Variants in NAA15 observed in about 807,000 individuals in gnomAD.
NAA15 encodes the protein N-terminal acetyltransferase.
NAA15 carries 34 observed loss-of-function variants against 114.0 expected under a neutral mutation model. The observed-to-expected ratio is 0.30, with a 90% CI of 0.23 to 0.40. The LOEUF (loss-of-function observed/expected upper bound fraction) is 0.40, where lower values mean the gene tolerates loss of function less well. Ranked by LOEUF, NAA15 falls within the 10% of genes least tolerant of loss-of-function variation. The pLI, the probability that NAA15 is intolerant of heterozygous loss-of-function variation, is 1.00. For missense variants in NAA15, 658 were observed against 1,004.5 expected (o/e 0.66, Z 4.66); for synonymous variants, 340 against 338.0 (o/e 1.01, Z -0.06).
chr4:139,333,165 T>C (rs1040855110), intron 1 of NAA15, among the ~76,000 whole-genome samples: 4 of 150,130 alleles, frequency 2.7e-5, no homozygotes, highest in African/African-American at 4.9e-5. Flanking sequence ...TTTTTTTTTT[T>C]CCTAATACTT....
At chr4:139,373,139 C>T (rs1748490696) in intron 15 of NAA15, among the ~76,000 whole-genome samples, 1 of 152,102 alleles carries the variant, frequency 6.6e-6, no homozygotes, top group Non-Finnish European at 1.5e-5. Context: ...ACCTCAGCCT[C>T]CCAAAGTGCT....
intron 1 of NAA15, among the ~76,000 whole-genome samples, chr4:139,326,474 G>A (rs1032141633): frequency 6.6e-6 from 1 of 152,146 alleles, no homozygotes; most frequent in African/African-American, 2.4e-5. Context: ...TGCTCTCCAT[G>A]ATTTAAGGAT....
intron 1 of NAA15, among the ~76,000 whole-genome samples, chr4:139,330,595 C>T (rs1746967875): frequency 6.6e-6 from 1 of 152,056 alleles, no homozygotes; most frequent in Non-Finnish European, 1.5e-5. Context: ...TTTGCATAAT[C>T]GTCTGGTTGA....
chr4:139,346,660 G>A (rs1037991431), intron 6 of NAA15, among the ~76,000 whole-genome samples: 4 of 151,818 alleles, frequency 2.6e-5, no homozygotes, highest in Admixed American at 1.3e-4. Flanking sequence ...AAGCGATTCT[G>A]CCTCAGCCTC....
At chr4:139,327,939 A>G (rs1746857198) in intron 1 of NAA15, among the ~76,000 whole-genome samples, 1 of 152,244 alleles carries the variant, frequency 6.6e-6, no homozygotes, top group Admixed American at 6.5e-5. Flanking sequence ...TTCCAGGATT[A>G]CAGGTGTTCT....
chr4:139,384,779 G>A, intron 17 of NAA15, 53 bp from the exon 18 acceptor site: 1 of 1,208,406 alleles, frequency 8.3e-7, no homozygotes, highest in Non-Finnish European at 1.1e-6. Flanking sequence ...ATAAACTTTT[G>A]TAAACTTTAT....
At chr4:139,346,218 G>T (rs1249737873) in intron 6 of NAA15, among the ~76,000 whole-genome samples, 1 of 152,204 alleles carries the variant, frequency 6.6e-6, no homozygotes, top group African/African-American at 2.4e-5. Context: ...AGTAGTGGTG[G>T]TGTGTAAGTG....
chr4:139,360,421 A>G, intron 12 of NAA15, 79 bp from the exon 13 acceptor site: 1 of 1,331,152 alleles, frequency 7.5e-7, no homozygotes. Context: ...TCAGCTTAAC[A>G]TCTTTGTTTT....
intron 1 of NAA15, among the ~76,000 whole-genome samples, chr4:139,314,333 GTGC>G (rs1267231482): frequency 2.0e-5 from 3 of 151,804 alleles, no homozygotes; most frequent in Non-Finnish European, 2.9e-5. Context: ...TTTTGGCTAG[GTGC>G]TGTTTTCTGT....
rs1747996618 is a variant in NAA15 at position 139,357,560 on chromosome 4, A to C, written c.1257+5A>C. Reference sequence around the variant, plus strand: ...GTGAAAGCTAAAATCTATAAGGTAAAAATCTTTTTTTCTATTTTCTTATAA... The same window carrying C: ...GTGAAAGCTAAAATCTATAAGGTAACAATCTTTTTTTCTATTTTCTTATAA... On this transcript the variant is annotated splice_donor_5th_base_variant and intron_variant, in intron 11 of 19. Coordinates refer to ENST00000296543, the MANE Select transcript of NAA15 (RefSeq NM_057175.5). 1 of 1,572,118 alleles carries C rather than the reference A, an allele frequency of 6.4e-7. No homozygotes were observed.
chr4:139,345,963 G>A (rs67257400), intron 6 of NAA15, among the ~76,000 whole-genome samples: 29,200 of 152,018 alleles, frequency 0.19, 3,193 homozygotes, highest in Non-Finnish European at 0.25. Context: ...AAGATAAGAA[G>A]CACACATGAC....
Position 139,371,897 on chromosome 4 carries a change from GT to G in NAA15, c.1947+1497del, listed in dbSNP as rs1366467946. On this transcript the variant is annotated intron_variant, in intron 15 of 19. Transcript: ENST00000296543. ...GACATTTTTCATTATAACTCTTCAT[GT>G]TTTCATGTATTTCTCTTTTGTTTGT... is the stretch of plus-strand genomic sequence containing the variant. Among the ~76,000 whole-genome samples, 5 of 151,988 alleles carry G rather than the reference GT, an allele frequency of 3.3e-5. No individual in the cohort carries two copies. In the East Asian group the frequency reaches 9.7e-4, roughly 29 times the overall value.
intron 1 of NAA15, among the ~76,000 whole-genome samples, chr4:139,325,824 T>G (rs1249370572): frequency 6.6e-6 from 1 of 152,100 alleles, no homozygotes; most frequent in East Asian, 1.9e-4. Context: ...TTTTTAATTT[T>G]TTTGTAGAGA....
At position 139,313,827 on chromosome 4, in the gene NAA15, G is replaced by A. The variant is rs560325075; in HGVS notation, c.54+11996G>A. Among the ~76,000 whole-genome samples the A allele has an allele frequency of 1.1e-3, 174 of 151,866 alleles. 2 individuals carry two copies. The highest frequency in any genetic ancestry group is 3.9e-3 in the African/African-American group (163 of 41,342). On this transcript the variant is annotated intron_variant, in intron 1 of 19. Transcript: ENST00000296543. ...GCTGGCATTACAGGTGTGAGCCACC[G>A]CGCCCGGCCTGTTACAGTATATTTC...
intron 1 of NAA15, among the ~76,000 whole-genome samples, chr4:139,322,787 G>A (rs1009378955): frequency 6.6e-5 from 10 of 152,162 alleles, no homozygotes; most frequent in Admixed American, 3.9e-4. Flanking sequence ...CACCTCCTGG[G>A]TTCAAGCGAT....
At chr4:139,346,020 G>A (rs754312712) in intron 6 of NAA15, among the ~76,000 whole-genome samples, 16 of 152,156 alleles carry the variant, frequency 1.1e-4, no homozygotes, top group Non-Finnish European at 2.2e-4. Flanking sequence ...GGTGCCGGTA[G>A]GTGAAATGGG....
chr4:139,371,497 G>GCGCACACACACACACA (rs1389164527), intron 15 of NAA15, among the ~76,000 whole-genome samples: 2 of 113,664 alleles, frequency 1.8e-5, no homozygotes, highest in African/African-American at 6.3e-5. Context: ...AAGAAAAGTA[G>GCGCACACACACACACA]CACACACACA....
chr4:139,374,436 C>T (rs1172738144), intron 15 of NAA15, among the ~76,000 whole-genome samples: 2 of 152,172 alleles, frequency 1.3e-5, no homozygotes, highest in East Asian at 1.9e-4. Flanking sequence ...ATGACTGTCA[C>T]AGTCCATTTC....
chr4:139,388,173 C>T lies in NAA15; in HGVS notation c.*89C>T. 2 of 1,076,972 alleles carry T rather than the reference C, an allele frequency of 1.9e-6. No homozygotes were observed. Among genetic ancestry groups the T allele is most frequent in the Admixed American group, 2.3e-5 (1 of 43,274 alleles). The allele number at this position is 1,076,972 out of a possible 1,614,324, so 66.7% of individuals were successfully genotyped here. A position where few individuals can be genotyped will look rare whatever the true frequency, so the allele number is the denominator to read the frequency against. On this transcript the variant is annotated 3_prime_UTR_variant, in exon 20 of 20. Coordinates refer to ENST00000296543, the MANE Select transcript of NAA15 (RefSeq NM_057175.5). ...GCACCTGCTGCATTGCTCTAACTTA[C>T]ACAGAATGAGAGGAGTAAATGTTCT... is the stretch of plus-strand genomic sequence containing the variant.
Sources: gnomAD v4.1 joint callset for allele counts (sites outside exome capture counted in the v4.1 genomes callset) on GRCh38, gnomAD v4.1.1 for gene constraint, MANE v1.5 for transcripts, NCBI Gene and HGNC (gene_info 2026-07-23, HGNC 2026-07-21) for gene names.